The following SLC5A10 variants were observed in gnomAD, a reference collection of about 807,000 sequenced individuals.
SLC5A10 encodes the protein sodium/mannose cotransporter SLC5A10.
Under a neutral mutation model 68.9 loss-of-function variants are expected in SLC5A10, and 55 were observed. The ratio of observed to expected loss-of-function variants is 0.80; its 90% confidence interval spans 0.64 to 1.00. SLC5A10 has a LOEUF of 1.00. Ranked by LOEUF, SLC5A10 falls within the 50% of genes least tolerant of loss-of-function variation. The pLI is 0.00. For synonymous variants in SLC5A10, 344 were observed against 344.8 expected (o/e 1.00, Z 0.02); for missense variants, 732 against 819.3 (o/e 0.89, Z 1.30).
chr17:19,013,593 G>GA, intron 10 of SLC5A10, 76 bp downstream of exon 10: 1 of 523,398 alleles, frequency 1.9e-6, no homozygotes, highest in Non-Finnish European at 2.9e-6. Context: ...GGGGACTGTG[G>GA]AGGCTGCCAC....
intron 9 of SLC5A10, among the ~76,000 whole-genome samples, chr17:19,001,875 C>CA (rs1491211763): frequency 1.3e-5 from 2 of 152,292 alleles, no homozygotes; most frequent in East Asian, 3.9e-4. Context: ...GGAGGGGAGG[C>CA]ACAGAGGAGT....
chr17:18,990,644 C>G (rs543589416), intron 9 of SLC5A10, among the ~76,000 whole-genome samples: 1 of 152,240 alleles, frequency 6.6e-6, no homozygotes, highest in African/African-American at 2.4e-5. Context: ...CAGGGACCAT[C>G]TGCTGTCAGG....
intron 9 of SLC5A10, among the ~76,000 whole-genome samples, chr17:18,981,312 C>T (rs2043126368): frequency 6.6e-6 from 1 of 152,016 alleles, no homozygotes; most frequent in Non-Finnish European, 1.5e-5. Context: ...TACAAGAGCA[C>T]CTCAGGGGAG....
intron 7 of SLC5A10, 33 bp downstream of exon 7, chr17:18,969,455 G>A: frequency 6.3e-7 from 1 of 1,595,750 alleles, no homozygotes; most frequent in South Asian, 1.1e-5. Flanking sequence ...TGGCGGGGCT[G>A]TCCCCACAGC....
chr17:18,960,553 C>T lies in SLC5A10; in HGVS notation c.354C>T (p.Val118=), dbSNP rs1365385173. The T allele has an allele frequency of 6.2e-7, 1 of 1,614,090 alleles. No homozygotes were observed. Among genetic ancestry groups the T allele is most frequent in the Admixed American group, 1.7e-5 (1 of 60,024 alleles). ...CTACCCATGTGCCTTCCCAGATCGT[C>T]ACCTTACCTGAGTACATTCAGAAGC... ...FVPIYISSEI[V]TLPEYIQKRY... Residue 118 remains valine, a synonymous_variant, in exon 5 of 15, where the codon GTC becomes GTT. Coordinates refer to ENST00000395645, the MANE Select transcript of SLC5A10 (RefSeq NM_001042450.4).
At chr17:18,979,345 G>T in intron 9 of SLC5A10, 1 of 673,872 alleles carries the variant, frequency 1.5e-6, no homozygotes, top group Non-Finnish European at 2.4e-6. Flanking sequence ...ACATCTCCAA[G>T]CTGGAACAAC....
In SLC5A10 at chr17:18,971,835, G is replaced by A. The variant is rs1264019340; in HGVS notation, c.846+617G>A. ...GACCCTGCTCAGGCACACAGGAGCC[G>A]GCAGGCCCGGGTTCGCCTCCTGGCT... On this transcript the variant is annotated intron_variant, in intron 8 of 14. Coordinates refer to ENST00000395645, the MANE Select transcript of SLC5A10 (RefSeq NM_001042450.4). The surrounding 1 kb of genome is among the most constrained non-coding windows in gnomAD (Gnocchi z 5.5). 1.0e-5 allele frequency: 15 copies of A among 1,440,774 alleles called. 1 individual carries two copies. Among genetic ancestry groups the A allele is most frequent in the South Asian group, 2.8e-5 (2 of 70,344 alleles). 89.2% of individuals were successfully genotyped at this position (1,440,774 alleles called of 1,614,324 possible). A position where few individuals can be genotyped will look rare whatever the true frequency, so the allele number is the denominator to read the frequency against.
Position 18,968,950 on chromosome 17 carries a change from G to A in SLC5A10, c.454-102G>A. On this transcript the variant is annotated intron_variant, in intron 5 of 14. Coordinates refer to ENST00000395645, the MANE Select transcript of SLC5A10 (RefSeq NM_001042450.4). The surrounding 1 kb of genome is among the most constrained non-coding windows in gnomAD (Gnocchi z 4.1). ...TGGGGGTCTCCCCTCCTTATCCACA[G>A]GCCACCGAGGCCCAGAGAGGGCCTT... The A allele has an allele frequency of 8.9e-7, 1 of 1,127,646 alleles. No individual in the cohort carries two copies. Among genetic ancestry groups the A allele is most frequent in the Non-Finnish European group, 1.2e-6 (1 of 802,810 alleles). 69.9% of individuals were successfully genotyped at this position (1,127,646 alleles called of 1,614,324 possible). A position where few individuals can be genotyped will look rare whatever the true frequency, so the allele number is the denominator to read the frequency against.
intron 9 of SLC5A10, among the ~76,000 whole-genome samples, chr17:19,010,043 C>T (rs896652980): frequency 2.6e-5 from 4 of 151,770 alleles, no homozygotes; most frequent in African/African-American, 9.7e-5. Context: ...AGAGGGTGGC[C>T]GAGCGAGGTG....
In SLC5A10 at chr17:19,004,271, CGGGGCT is replaced by C. The variant is rs562232904; in HGVS notation, c.983-9123_983-9118del. 1.8e-5 allele frequency: 7 copies of C among 389,540 alleles called. No homozygotes were observed. Among genetic ancestry groups the C allele is most frequent in the Non-Finnish European group, 3.2e-5 (7 of 218,660 alleles). The allele number at this position is 389,540 out of a possible 1,614,324, so 24.1% of individuals were successfully genotyped here. ...GGAACTCAGGTGGGCGTGGGAAGGA[CGGGGCT>C]GGGGCTGGGGCTGGGAAGATGAGGT... On this transcript the variant is annotated intron_variant, in intron 9 of 14. Transcript: ENST00000395645. This position sits in a 1 kb window ranked among gnomAD's most constrained non-coding sequence, Gnocchi z 5.4.
At chr17:18,969,545 G>C in intron 7 of SLC5A10, 123 bp downstream of exon 7, 1 of 913,016 alleles carries the variant, frequency 1.1e-6, no homozygotes, top group South Asian at 1.7e-5. Context: ...GCTGGGAGTG[G>C]GTGGGTTCAG....
chr17:19,004,088 C>T lies in SLC5A10; in HGVS notation c.983-9322C>T. The T allele has an allele frequency of 1.3e-6, 2 of 1,534,292 alleles. No homozygotes were observed. Among genetic ancestry groups the T allele is most frequent in the Non-Finnish European group, 1.8e-6 (2 of 1,141,316 alleles). On this transcript the variant is annotated intron_variant, in intron 9 of 14. Transcript: ENST00000395645. This position sits in a 1 kb window ranked among gnomAD's most constrained non-coding sequence, Gnocchi z 5.4. ...GCTGCCGGGGGTGGGTGGGCAAGGT[C>T]CAGCTCCTAGCTCCGGCCCAGCTGG...
chr17:18,982,181 C>G (rs1355536848), intron 9 of SLC5A10, among the ~76,000 whole-genome samples: 1 of 152,232 alleles, frequency 6.6e-6, no homozygotes, highest in African/African-American at 2.4e-5. Flanking sequence ...AAGCAAGTCC[C>G]GGGCCCTTGC....
rs904979307 is a variant in SLC5A10, at chr17:19,020,773, T to C, written c.*342T>C. On this transcript the variant is annotated 3_prime_UTR_variant, in exon 15 of 15. Coordinates refer to ENST00000395645, the MANE Select transcript of SLC5A10 (RefSeq NM_001042450.4). Reference sequence around the variant, plus strand: ...TTGCCAGCACTCAGGGTTCTAAGGGTCTTGGGCCAGCTCTGGATGGAGGAA... The same window carrying C: ...TTGCCAGCACTCAGGGTTCTAAGGGCCTTGGGCCAGCTCTGGATGGAGGAA... The C allele has an allele frequency of 1.9e-5, 6 of 313,842 alleles. No homozygotes were observed. The highest frequency in any genetic ancestry group is 1.3e-4 in the African/African-American group (6 of 46,914). The allele number at this position is 313,842 out of a possible 1,614,324, so 19.4% of individuals were successfully genotyped here.
rs766277138 is a variant in SLC5A10 at position 19,021,196 on chromosome 17, C to T, written c.*765C>T. ...GCCTCCTGAGAGCTCTGCTGGGCCCCGGTCTGGGCAGAACCTGGGCCTAAA... is the reference window on the plus strand; with the variant it reads ...GCCTCCTGAGAGCTCTGCTGGGCCCTGGTCTGGGCAGAACCTGGGCCTAAA... On this transcript the variant is annotated 3_prime_UTR_variant, in exon 15 of 15. Coordinates refer to ENST00000395645, the MANE Select transcript of SLC5A10 (RefSeq NM_001042450.4). This position sits in a 1 kb window ranked among gnomAD's most constrained non-coding sequence, Gnocchi z 4.1. The T allele has an allele frequency of 6.6e-6, 1 of 152,302 alleles. No homozygotes were observed. Among genetic ancestry groups the T allele is most frequent in the Non-Finnish European group, 1.5e-5 (1 of 68,114 alleles). The allele number at this position is 152,302 out of a possible 1,614,324, so 9.4% of individuals were successfully genotyped here.
intron 9 of SLC5A10, chr17:18,979,740 C>T (rs889778761): frequency 2.5e-5 from 39 of 1,583,498 alleles, no homozygotes; most frequent in Non-Finnish European, 3.1e-5. Context: ...GAGGGGAGGA[C>T]GGCAGCTGCC....
intron 9 of SLC5A10, among the ~76,000 whole-genome samples, chr17:18,990,303 C>T (rs376141012): frequency 6.6e-6 from 1 of 152,166 alleles, no homozygotes; most frequent in Non-Finnish European, 1.5e-5. Flanking sequence ...GTCACCATGA[C>T]CCTGGAGGCA....
rs1401612687 is a variant in SLC5A10, at chr17:18,960,630, T to C, written c.431T>C (p.Leu144Pro). 6.2e-7 allele frequency: 1 copy of C among 1,613,994 alleles called. No individual in the cohort carries two copies. The highest frequency in any genetic ancestry group is 8.5e-7 in the Non-Finnish European group (1 of 1,179,866). The change falls in exon 5 of 15, where the codon CTG (leucine) becomes CCG (proline). Residue 144 changes from leucine to proline, a missense_variant. Transcript: ENST00000395645. ...RMYLSVLSLL[L>P]SVFTKISLDL... ...TACCTGTCTGTCCTGTCCCTGCTAC[T>C]GTCTGTCTTCACCAAGATATCGGTG...
Position 19,003,401 on chromosome 17 carries a change from C to G in SLC5A10, c.983-10009C>G, listed in dbSNP as rs2043783259. ...CCACCCAAGAGGCAGCCAGGGAAAA[C>G]AGCAGAGATCCCTAGAAGCCCATGT... On this transcript the variant is annotated intron_variant, in intron 9 of 14. Transcript: ENST00000395645. This position sits in a 1 kb window ranked among gnomAD's most constrained non-coding sequence, Gnocchi z 4.5. The G allele has an allele frequency of 8.9e-7, 1 of 1,121,444 alleles. No homozygotes were observed. Among genetic ancestry groups the G allele is most frequent in the Non-Finnish European group, 1.2e-6 (1 of 845,056 alleles). 69.5% of individuals were successfully genotyped at this position (1,121,444 alleles called of 1,614,324 possible).
Sources: gnomAD v4.1 joint callset for allele counts (sites outside exome capture counted in the v4.1 genomes callset) on GRCh38, gnomAD v4.1.1 for gene constraint, Gnocchi (gnomAD v3.1) non-coding constraint, MANE v1.5 for transcripts, NCBI Gene and HGNC (gene_info 2026-07-23, HGNC 2026-07-21) for gene names.